The following NAPB variants were observed in gnomAD, a reference collection of about 807,000 sequenced individuals.
NAPB encodes the protein beta-soluble NSF attachment protein.
NAPB carries 26 observed loss-of-function variants against 44.7 expected under a neutral mutation model. The ratio of observed to expected loss-of-function variants is 0.58; its 90% confidence interval spans 0.43 to 0.81. NAPB has a LOEUF of 0.81. NAPB is among the 30% of genes least tolerant of loss of function. The probability of loss-of-function intolerance (pLI) is 0.00; values close to 1 mark genes in which losing one functional copy is unlikely to be tolerated. For synonymous variants in NAPB, 120 were observed against 116.8 expected (o/e 1.03, Z -0.18); for missense variants, 315 against 356.4 (o/e 0.88, Z 0.94).
intron 2 of NAPB, among the ~76,000 whole-genome samples, chr20:23,401,382 CA>C (rs1442724235): frequency 6.6e-6 from 1 of 152,052 alleles, no homozygotes; most frequent in African/African-American, 2.4e-5. Flanking sequence ...TTCCAAAATT[CA>C]AAAAATTGCA....
intron 1 of NAPB, among the ~76,000 whole-genome samples, chr20:23,413,926 C>A (rs2424549): frequency 0.3 from 45,138 of 151,504 alleles, 6,750 homozygotes; most frequent in Middle Eastern, 0.38. Flanking sequence ...AAAACATCCA[C>A]ATTATTTTTA....
chr20:23,397,688 G>A (rs1352898427), intron 2 of NAPB, among the ~76,000 whole-genome samples: 4 of 152,102 alleles, frequency 2.6e-5, no homozygotes, highest in Non-Finnish European at 4.4e-5. Flanking sequence ...TGAAAATCAG[G>A]CCCACAATTT....
At chr20:23,420,352 G>A (rs1418146116) in intron 1 of NAPB, among the ~76,000 whole-genome samples, 3 of 152,198 alleles carry the variant, frequency 2.0e-5, no homozygotes, top group African/African-American at 7.2e-5. Context: ...TCAATCTCCG[G>A]AGAAGGAAAA....
At chr20:23,392,402 C>T (rs1260002596) in intron 5 of NAPB, among the ~76,000 whole-genome samples, 1 of 152,130 alleles carries the variant, frequency 6.6e-6, no homozygotes, top group Non-Finnish European at 1.5e-5. Flanking sequence ...CATGATGGTC[C>T]ATGACTGTAA....
chr20:23,395,745 T>C (rs1174736583), intron 3 of NAPB, among the ~76,000 whole-genome samples: 3 of 152,248 alleles, frequency 2.0e-5, no homozygotes, highest in Non-Finnish European at 4.4e-5. Flanking sequence ...ACTAACAAAA[T>C]GAAGAAACAA....
chr20:23,411,439 A>T (rs1403190544), intron 1 of NAPB, among the ~76,000 whole-genome samples: 1 of 152,200 alleles, frequency 6.6e-6, no homozygotes, highest in East Asian at 1.9e-4. Flanking sequence ...GCCAAGGATT[A>T]TACAACCAGG....
chr20:23,388,682 T>G (rs1331169846), intron 7 of NAPB, among the ~76,000 whole-genome samples: 2 of 152,190 alleles, frequency 1.3e-5, no homozygotes. Context: ...CAACAATTAG[T>G]GCTAGAAAAA....
chr20:23,388,590 A>C (rs2123163432), intron 7 of NAPB, among the ~76,000 whole-genome samples: 1 of 152,322 alleles, frequency 6.6e-6, no homozygotes, highest in Non-Finnish European at 1.5e-5. Context: ...AGAGCCCAGA[A>C]GTAAGCCCTC....
At chr20:23,383,156 CAA>C (rs34238446) in intron 7 of NAPB, among the ~76,000 whole-genome samples, 69 of 76,688 alleles carry the variant, frequency 9.0e-4, no homozygotes, top group African/African-American at 1.3e-3. Context: ...GACTCGGTCT[CAA>C]AAAAAAAAAA....
At chr20:23,407,641 A>G (rs572029138) in intron 1 of NAPB, among the ~76,000 whole-genome samples, 55 of 152,218 alleles carry the variant, frequency 3.6e-4, no homozygotes, top group Middle Eastern at 3.4e-3. Context: ...ACTGAGATCC[A>G]TATGTGCCAG....
chr20:23,414,235 T>C (rs1018352191), intron 1 of NAPB, among the ~76,000 whole-genome samples: 43 of 152,096 alleles, frequency 2.8e-4, no homozygotes, highest in African/African-American at 9.4e-4. Context: ...GGTGGGAGGA[T>C]CACTTAAGCC....
intron 2 of NAPB, among the ~76,000 whole-genome samples, chr20:23,400,557 T>C (rs574310347): frequency 1.3e-5 from 2 of 152,250 alleles, no homozygotes; most frequent in South Asian, 2.1e-4. Flanking sequence ...TAAAGGATCA[T>C]ATATTAAATT....
chr20:23,386,591 AGGGTG>A (rs1568606005), intron 7 of NAPB, among the ~76,000 whole-genome samples: 34 of 152,374 alleles, frequency 2.2e-4, no homozygotes, highest in African/African-American at 7.9e-4. Context: ...GTCAGCCACA[AGGGTG>A]GTCAACATCT....
Position 23,381,228 on chromosome 20 carries a change from G to A in NAPB, c.651C>T (p.Asp217=), listed in dbSNP as rs142627616. 4.9e-5 allele frequency: 79 copies of A among 1,612,746 alleles called. No individual in the cohort carries two copies. Among genetic ancestry groups the A allele is most frequent in the African/African-American group, 3.6e-4 (27 of 74,954 alleles). The change falls in exon 8 of 11, where the codon GAC becomes GAT. Residue 217 remains aspartate, a synonymous_variant. Coordinates refer to ENST00000377026, the MANE Select transcript of NAPB (RefSeq NM_022080.3). ...FKAALCHFIV[D]ELNAKLALEK... Reference sequence around the variant, plus strand: ...AACTCCTTACCTTGGCATTCAACTCGTCTACTATGAAGTGGCAGAGGGCAG... The same window carrying A: ...AACTCCTTACCTTGGCATTCAACTCATCTACTATGAAGTGGCAGAGGGCAG...
At chr20:23,401,389 T>C (rs2424537) in intron 2 of NAPB, among the ~76,000 whole-genome samples, 45,207 of 151,860 alleles carry the variant, frequency 0.3, 6,763 homozygotes, top group Middle Eastern at 0.38. Flanking sequence ...ATTCAAAAAA[T>C]TGCAACCTCA....
Position 23,381,305 on chromosome 20 carries a change from T to A in NAPB, c.574A>T (p.Thr192Ser). 6.3e-7 allele frequency: 1 copy of A among 1,584,270 alleles called. No individual in the cohort carries two copies. Among genetic ancestry groups the A allele is most frequent in the Non-Finnish European group, 8.6e-7 (1 of 1,164,032 alleles). ...IEIYEQVGAN[T>S]MDNPLLKYSA... Reference sequence around the variant, plus strand: ...TATTTCAACAAAGGATTATCCATTGTGTTTGCCCCAACCTAGGCACAGAAC... The same window carrying A: ...TATTTCAACAAAGGATTATCCATTGAGTTTGCCCCAACCTAGGCACAGAAC... The change falls in exon 8 of 11, where the codon ACA becomes TCA. Residue 192 changes from threonine to serine, a missense_variant. This residue lies in a region of NAPB where 120 missense variants were observed against 130.5 expected (regional missense o/e 0.92). Transcript: ENST00000377026.
intron 2 of NAPB, among the ~76,000 whole-genome samples, chr20:23,399,647 T>C (rs554679661): frequency 4.7e-4 from 71 of 152,336 alleles, no homozygotes; most frequent in African/African-American, 1.7e-3. Flanking sequence ...TGCTGGCCCC[T>C]TGTGAATCAT....
intron 8 of NAPB, 138 bp from the exon 9 acceptor site, chr20:23,380,073 C>T: frequency 1.7e-6 from 1 of 596,160 alleles, no homozygotes; most frequent in Non-Finnish European, 2.9e-6. Context: ...AAAGCAGAAT[C>T]AACATAGAAA....
chr20:23,421,376 C>G lies in NAPB; in HGVS notation c.27G>C (p.Glu9Asp). 1 of 1,552,264 alleles carries G rather than the reference C, an allele frequency of 6.4e-7. No homozygotes were observed. Among genetic ancestry groups the G allele is most frequent in the Non-Finnish European group, 8.7e-7 (1 of 1,148,194 alleles). ...CGGCCTCCGCCATCAGCTGTACTGC[C>G]TCACGCTCCTTCCCCGCGTTGTCCA... MDNAGKER[E>D]AVQLMAEAEK... The change falls in exon 1 of 11, where the codon GAG becomes GAC. Residue 9 changes from glutamate (E) to aspartate (D), a missense_variant. This residue lies in a region of NAPB where 179 missense variants were observed against 182.5 expected (regional missense o/e 0.98). Transcript: ENST00000377026.
Sources: gnomAD v4.1 joint callset for allele counts (sites outside exome capture counted in the v4.1 genomes callset) on GRCh38, gnomAD v4.1.1 for gene constraint, gnomAD v4.1.1 regional missense constraint, MANE v1.5 for transcripts, NCBI Gene and HGNC (gene_info 2026-07-23, HGNC 2026-07-21) for gene names.